Variants in RXRA observed in about 807,000 individuals in gnomAD.
RXRA encodes the protein retinoid X receptor alpha.
RXRA carries 5 observed loss-of-function variants against 44.5 expected under a neutral mutation model. The observed-to-expected ratio is 0.11, with a 90% CI of 0.06 to 0.24. The LOEUF (loss-of-function observed/expected upper bound fraction) is 0.24. RXRA is among the 10% of genes least tolerant of loss of function. RXRA has a pLI of 1.00. For missense variants in RXRA, 412 were observed against 646.5 expected (o/e 0.64, Z 3.93); for synonymous variants, 291 against 271.4 (o/e 1.07, Z -0.71).
rs555393522 is a variant in RXRA at position 134,398,082 on chromosome 9, C to T, written c.29-3550C>T. Among the ~76,000 whole-genome samples the T allele has an allele frequency of 3.3e-5, 5 of 152,198 alleles. No homozygotes were observed. The East Asian group carries it at 5.8e-4, about 18-fold the overall frequency. On this transcript the variant is annotated intron_variant, in intron 1 of 9. Coordinates refer to ENST00000481739, the MANE Select transcript of RXRA (RefSeq NM_002957.6). ...GCAACCTCCGCCTCCCAGGTTCAAG[C>T]GATTCTCCTGTCTCAGCCTCCCAAG...
chr9:134,387,589 G>C lies in RXRA; in HGVS notation c.29-14043G>C, dbSNP rs141711951. Among the ~76,000 whole-genome samples the C allele has an allele frequency of 8.5e-5, 13 of 152,374 alleles. No individual in the cohort carries two copies. The East Asian group carries it at 2.5e-3, about 29-fold the overall frequency. On this transcript the variant is annotated intron_variant, in intron 1 of 9. Transcript: ENST00000481739. ...GCCGGGCAGTCTCTGGGAGCCACTT[G>C]GTTTTGGAGCTGACACCTGAAATAG...
chr9:134,347,360 G>T (rs111817146), intron 1 of RXRA, among the ~76,000 whole-genome samples: 1 of 152,250 alleles, frequency 6.6e-6, no homozygotes, highest in Non-Finnish European at 1.5e-5. Flanking sequence ...TGAATTGCGG[G>T]TGCTCGTGGT....
rs1023766985 is a variant in RXRA at position 134,422,292 on chromosome 9, C to T, written c.910+487C>T. The T allele has an allele frequency of 3.9e-6, 5 of 1,288,488 alleles. No homozygotes were observed. The Admixed American group carries it at 9.2e-5, about 24-fold the overall frequency. The allele number at this position is 1,288,488 out of a possible 1,614,324, so 79.8% of individuals were successfully genotyped here. A position where few individuals can be genotyped will look rare whatever the true frequency, so the allele number is the denominator to read the frequency against. ...CCGCTCCCAGGACACACTCCTACTT[C>T]CTGGGACGCTCCCCTTTCCCGGGAC... On this transcript the variant is annotated intron_variant, in intron 6 of 9. Transcript: ENST00000481739.
At position 134,395,307 on chromosome 9, in the gene RXRA, C is replaced by T. The variant is rs529735427; in HGVS notation, c.29-6325C>T. Among the ~76,000 whole-genome samples, 19 of 152,374 alleles carry T rather than the reference C, an allele frequency of 1.2e-4. No individual in the cohort carries two copies. In the East Asian group the frequency reaches 2.3e-3, roughly 19 times the overall value. On this transcript the variant is annotated intron_variant, in intron 1 of 9. Coordinates refer to ENST00000481739, the MANE Select transcript of RXRA (RefSeq NM_002957.6). ...CCTCACCGTGGCTTCCTGTGTCCAC[C>T]GCTGCTTCCTTCTCACCCTTTCCCT...
chr9:134,429,246 G>A lies in RXRA; in HGVS notation c.1043+6G>A. ...GTGGGCGCCATCTTTGACAGGTGGG[G>A]GTGGTCCCGGGAGGGGCGAGGGCGC... On this transcript the variant is annotated splice_donor_region_variant and intron_variant, in intron 7 of 9. Transcript: ENST00000481739. 1.2e-6 allele frequency: 2 copies of A among 1,610,544 alleles called. No homozygotes were observed. Among genetic ancestry groups the A allele is most frequent in the Non-Finnish European group, 1.7e-6 (2 of 1,178,824 alleles).
intron 1 of RXRA, among the ~76,000 whole-genome samples, chr9:134,376,443 C>A (rs137898490): frequency 3.3e-5 from 5 of 152,338 alleles, no homozygotes; most frequent in African/African-American, 1.2e-4. Context: ...CAACCACAGC[C>A]CCCACTGCTG....
Position 134,357,930 on chromosome 9 carries a change from AGAG to A in RXRA, c.28+31291_28+31293del, listed in dbSNP as rs10565173. Among the ~76,000 whole-genome samples the A allele has an allele frequency of 9.4e-3, 1,421 of 151,666 alleles. 16 individuals are homozygous for A. Among genetic ancestry groups the A allele is most frequent in the African/African-American group, 0.032 (1,331 of 41,430 alleles). Reference sequence around the variant, plus strand: ...TGTGGGCAAGGGGAGGAGCCACAGCAGAGGAGGAGGAGGAGGAGGAGGGCAGCA... The same window carrying A: ...TGTGGGCAAGGGGAGGAGCCACAGCAGAGGAGGAGGAGGAGGAGGGCAGCA... On this transcript the variant is annotated intron_variant, in intron 1 of 9. Coordinates refer to ENST00000481739, the MANE Select transcript of RXRA (RefSeq NM_002957.6).
chr9:134,375,958 C>T (rs948064129), intron 1 of RXRA, among the ~76,000 whole-genome samples: 219 of 130,354 alleles, frequency 1.7e-3, no homozygotes, highest in Non-Finnish European at 2.9e-3. Flanking sequence ...CTCCCTCTCT[C>T]TCTCTGCTTC....
rs578015720 is a variant in RXRA, at chr9:134,428,175, A to C, written c.911-933A>C. Among the ~76,000 whole-genome samples, 5 of 150,442 alleles carry C rather than the reference A, an allele frequency of 3.3e-5. No individual in the cohort carries two copies. The East Asian group carries it at 1.0e-3, about 30-fold the overall frequency. ...TTACCTAACTGTCTGCCCCCCAGGG[A>C]ACCCCCACTATGTTGAGAGGCTGCT... On this transcript the variant is annotated intron_variant, in intron 6 of 9. Transcript: ENST00000481739.
intron 1 of RXRA, chr9:134,380,253 G>A: frequency 2.1e-6 from 2 of 937,840 alleles, no homozygotes; most frequent in Non-Finnish European, 2.5e-6. Context: ...TGGGAGTGGG[G>A]GTGGCCGGGG....
chr9:134,414,076 G>A (rs1373069012), intron 4 of RXRA, among the ~76,000 whole-genome samples: 1 of 152,236 alleles, frequency 6.6e-6, no homozygotes, highest in East Asian at 1.9e-4. Context: ...GATTGTGCTG[G>A]CAAAGCATAA....
chr9:134,327,117 A>G (rs529446429), intron 1 of RXRA, among the ~76,000 whole-genome samples: 13 of 152,104 alleles, frequency 8.5e-5, no homozygotes, highest in African/African-American at 3.1e-4. Context: ...GGCTTCTAGC[A>G]GGCCGCTGGC....
intron 6 of RXRA, chr9:134,422,811 A>G (rs1831370313): frequency 9.1e-6 from 9 of 985,292 alleles, no homozygotes; most frequent in Non-Finnish European, 1.1e-5. Flanking sequence ...TCAGAGAGGT[A>G]ATGGGCTGTC....
chr9:134,373,822 G>C (rs779604196), intron 1 of RXRA, among the ~76,000 whole-genome samples: 11 of 152,222 alleles, frequency 7.2e-5, no homozygotes, highest in Non-Finnish European at 1.5e-4. Flanking sequence ...GCCCACCTTT[G>C]TTTTCTAATT....
At chr9:134,389,532 A>C (rs1830770035) in intron 1 of RXRA, among the ~76,000 whole-genome samples, 1 of 151,896 alleles carries the variant, frequency 6.6e-6, no homozygotes, top group Non-Finnish European at 1.5e-5. Context: ...TCTCTATCCT[A>C]GGCCTGGGGC....
At chr9:134,432,433 G>A (rs557277559) in intron 8 of RXRA, among the ~76,000 whole-genome samples, 13 of 152,330 alleles carry the variant, frequency 8.5e-5, no homozygotes, top group African/African-American at 2.4e-4. Context: ...CCCAAGCCTC[G>A]GGTCCAGGGT....
intron 1 of RXRA, among the ~76,000 whole-genome samples, chr9:134,382,128 G>C (rs78135721): frequency 0.055 from 8,377 of 152,062 alleles, 783 homozygotes; most frequent in African/African-American, 0.19. Context: ...CAGGATGTGG[G>C]GGGGCGCAGG....
chr9:134,350,199 A>G (rs1336355628), intron 1 of RXRA, among the ~76,000 whole-genome samples: 6 of 151,966 alleles, frequency 3.9e-5, no homozygotes, highest in African/African-American at 1.4e-4. Flanking sequence ...TCAGGCTCCC[A>G]GGGCAGGATG....
intron 1 of RXRA, among the ~76,000 whole-genome samples, chr9:134,356,054 A>G (rs1396890422): frequency 6.6e-6 from 1 of 152,012 alleles, no homozygotes; most frequent in Middle Eastern, 3.2e-3. Flanking sequence ...TCACTGTGGG[A>G]TCTGGCTTGG....
Sources: gnomAD v4.1 joint callset for allele counts (sites outside exome capture counted in the v4.1 genomes callset) on GRCh38, gnomAD v4.1.1 for gene constraint, MANE v1.5 for transcripts, NCBI Gene and HGNC (gene_info 2026-07-23, HGNC 2026-07-21) for gene names.